The following SCAPER variants were observed in gnomAD, a reference collection of about 807,000 sequenced individuals.
SCAPER encodes S phase cyclin A-associated protein in the endoplasmic reticulum.
In SCAPER, 98 loss-of-function variants were observed where a neutral mutation model predicts 182.2. That is an observed-to-expected ratio of 0.54 (90% confidence interval 0.46 to 0.64). The LOEUF (loss-of-function observed/expected upper bound fraction) is 0.64, where lower values mean the gene tolerates loss of function less well. Ranked by LOEUF, SCAPER falls within the 30% of genes least tolerant of loss-of-function variation. The pLI is 0.00. For missense variants in SCAPER, 1,432 were observed against 1,690.0 expected (o/e 0.85, Z 2.68); for synonymous variants, 605 against 564.6 (o/e 1.07, Z -1.01).
chr15:76,537,950 A>C (rs905881884), intron 23 of SCAPER, among the ~76,000 whole-genome samples: 2 of 151,690 alleles, frequency 1.3e-5, no homozygotes, highest in African/African-American at 4.8e-5. Context: ...ATGCAGCCAA[A>C]AGACACATGA....
intron 2 of SCAPER, among the ~76,000 whole-genome samples, chr15:76,872,843 T>C (rs1034174522): frequency 2.6e-5 from 4 of 152,006 alleles, no homozygotes; most frequent in African/African-American, 7.2e-5. Context: ...AAACAAAGTG[T>C]ATCACAATTT....
intron 25 of SCAPER, among the ~76,000 whole-genome samples, chr15:76,452,876 G>C (rs1007273868): frequency 2.0e-5 from 3 of 151,996 alleles, no homozygotes; most frequent in African/African-American, 7.3e-5. Context: ...AGTTGCCCGG[G>C]GTAGAATGCA....
chr15:76,431,676 C>CAAAAAAGAAAAAAAAAAAAAAAAAA (rs2046869279), intron 26 of SCAPER, among the ~76,000 whole-genome samples: 1 of 47,128 alleles, frequency 2.1e-5, no homozygotes, highest in Non-Finnish European at 3.5e-5. Flanking sequence ...AAATGATTAG[C>CAAAAAAGAAAAAAAAAAAAAAAAAA]AAAAAAAAAA....
intron 5 of SCAPER, among the ~76,000 whole-genome samples, chr15:76,830,365 T>C (rs934543319): frequency 6.6e-6 from 1 of 152,156 alleles, no homozygotes; most frequent in Non-Finnish European, 1.5e-5. Context: ...GACATATTTG[T>C]CATTTTCTAA....
chr15:76,737,129 C>T (rs1463110945), intron 15 of SCAPER: 2 of 152,530 alleles, frequency 1.3e-5, no homozygotes, highest in Non-Finnish European at 2.9e-5. Context: ...AATGGTGAGT[C>T]CTTTCCAGAA....
intron 17 of SCAPER, among the ~76,000 whole-genome samples, chr15:76,718,276 G>C (rs1201974084): frequency 2.6e-5 from 4 of 152,134 alleles, no homozygotes; most frequent in African/African-American, 9.7e-5. Context: ...AGCAAAAGCA[G>C]TTGTAAGAGG....
chr15:76,703,272 C>T (rs901738069), intron 18 of SCAPER, among the ~76,000 whole-genome samples: 1 of 152,120 alleles, frequency 6.6e-6, no homozygotes, highest in Admixed American at 6.5e-5. Flanking sequence ...CAAGCTAAAA[C>T]TAAACAGGTT....
intron 26 of SCAPER, among the ~76,000 whole-genome samples, chr15:76,412,432 G>A (rs759350014): frequency 4.4e-4 from 67 of 152,194 alleles, no homozygotes; most frequent in Non-Finnish European, 8.4e-4. Flanking sequence ...TGTGTGGCCA[G>A]GGGGTTTATG....
intron 17 of SCAPER, among the ~76,000 whole-genome samples, chr15:76,719,917 G>A (rs1305308508): frequency 2.0e-5 from 3 of 151,456 alleles, no homozygotes; most frequent in Admixed American, 6.6e-5. Context: ...AAAATAAATG[G>A]TATTTCTTTT....
At chr15:76,812,707 T>A (rs1294173740) in intron 5 of SCAPER, among the ~76,000 whole-genome samples, 1 of 152,034 alleles carries the variant, frequency 6.6e-6, no homozygotes. Context: ...GGAAACAGTA[T>A]GTTCCTAGAA....
At position 76,765,454 on chromosome 15, in the gene SCAPER, G is replaced by A; in HGVS notation, c.1496C>T (p.Ala499Val). Residue 499 changes from alanine to valine, a missense_variant and splice_region_variant, in exon 13 of 32, where the codon GCT (alanine) becomes GTT (valine). By Grantham distance (64) the Ala-to-Val change is moderately conservative. Around this residue, in one of 5 missense-constraint regions of SCAPER, gnomAD observed 128 missense variants for 149.9 expected, o/e 0.85. Coordinates refer to ENST00000563290, the MANE Select transcript of SCAPER (RefSeq NM_020843.4). ...DWNDVLADYE[A>V]RESWRQNTSW... ...TGTATTTTGGCGCCAAGACTCACGA[G>A]CTGTTCAGAAAAAAATACTATTATT... is the stretch of plus-strand genomic sequence containing the variant. 3.1e-6 allele frequency: 5 copies of A among 1,613,134 alleles called. No individual in the cohort carries two copies. The highest frequency in any genetic ancestry group is 4.2e-6 in the Non-Finnish European group (5 of 1,179,428).
At chr15:76,680,411 G>GATGATAATA (rs1032738002) in intron 20 of SCAPER, among the ~76,000 whole-genome samples, 91 of 142,594 alleles carry the variant, frequency 6.4e-4, no homozygotes, top group African/African-American at 2.3e-3. Context: ...TGATGATGAT[G>GATGATAATA]ATAATAATAA....
chr15:76,723,066 A>AG (rs1247372794), intron 17 of SCAPER, among the ~76,000 whole-genome samples: 28 of 151,966 alleles, frequency 1.8e-4, no homozygotes, highest in Admixed American at 3.3e-4. Context: ...GTGGGTATTT[A>AG]GGGCTATAAA....
At position 76,682,960 on chromosome 15, in the gene SCAPER, G is replaced by A. The variant is rs138263693; in HGVS notation, c.2509-17171C>T. Among the ~76,000 whole-genome samples, 257 of 152,220 alleles carry A rather than the reference G, an allele frequency of 1.7e-3. 9 individuals carry two copies. In the South Asian group the frequency reaches 0.037, roughly 22 times the overall value. Reference sequence around the variant, plus strand: ...AAGGAACATCAGCCCACATACATGAGAAAGAATAAGATCTGTGGCAACTCA... The same window carrying A: ...AAGGAACATCAGCCCACATACATGAAAAAGAATAAGATCTGTGGCAACTCA... On this transcript the variant is annotated intron_variant, in intron 20 of 31. Transcript: ENST00000563290.
Position 76,795,295 on chromosome 15 carries a change from C to G in SCAPER, c.757G>C (p.Ala253Pro). ...AGTCACTTGCCATTTTTGCGTGAGG[C>G]CTTCTGCACTGTCATTGGTGGGCAA... ...QSCPPMTVQK[A>P]SRKNERKDAE... is the part of the protein sequence containing the mutation. Residue 253 changes from alanine to proline, a missense_variant, in exon 8 of 32, where the codon GCC (alanine) becomes CCC (proline). Ala to Pro is a conservative substitution (Grantham distance 27). Transcript: ENST00000563290. The G allele has an allele frequency of 6.2e-7, 1 of 1,609,210 alleles. No individual in the cohort carries two copies. Among genetic ancestry groups the G allele is most frequent in the Non-Finnish European group, 8.5e-7 (1 of 1,177,474 alleles).
intron 19 of SCAPER, among the ~76,000 whole-genome samples, chr15:76,702,114 G>A (rs1453895876): frequency 2.0e-5 from 3 of 152,022 alleles, no homozygotes; most frequent in Non-Finnish European, 2.9e-5. Flanking sequence ...AGTGAGCTGA[G>A]ATCGTGCCAC....
chr15:76,600,423 G>A (rs867750399), intron 22 of SCAPER, among the ~76,000 whole-genome samples: 3 of 57,000 alleles, frequency 5.3e-5, no homozygotes, highest in African/African-American at 1.3e-4. Context: ...GTGTGTGTGT[G>A]TGTGTGTATA....
At position 76,876,762 on chromosome 15, in the gene SCAPER, T is replaced by C. The variant is rs1416436851; in HGVS notation, c.6+7050A>G. Among the ~76,000 whole-genome samples, 5 of 152,260 alleles carry C rather than the reference T, an allele frequency of 3.3e-5. No individual in the cohort carries two copies. In the East Asian group the frequency reaches 5.8e-4, roughly 18 times the overall value. On this transcript the variant is annotated intron_variant, in intron 2 of 31. Coordinates refer to ENST00000563290, the MANE Select transcript of SCAPER (RefSeq NM_020843.4). ...ACAGCAAACATCATATATAATGGTA[T>C]AAAACTGAAAAAGACAAGGATGCCT...
intron 15 of SCAPER, among the ~76,000 whole-genome samples, chr15:76,752,432 ATAT>A (rs2151186212): frequency 6.6e-6 from 1 of 151,952 alleles, no homozygotes; most frequent in African/African-American, 2.4e-5. Context: ...TTGTACACCC[ATAT>A]TTACAACAGC....
Sources: gnomAD v4.1 joint callset for allele counts (sites outside exome capture counted in the v4.1 genomes callset) on GRCh38, gnomAD v4.1.1 for gene constraint, gnomAD v4.1.1 regional missense constraint, MANE v1.5 for transcripts, NCBI Gene and HGNC (gene_info 2026-07-23, HGNC 2026-07-21) for gene names.